NT5DC1: variants seen among roughly 807,000 people sequenced by gnomAD.
NT5DC1 encodes the protein 5'-nucleotidase domain containing 1.
NT5DC1 carries 42 observed loss-of-function variants against 59.4 expected under a neutral mutation model. That is an observed-to-expected ratio of 0.71 (90% confidence interval 0.55 to 0.92). The LOEUF is 0.92. NT5DC1 is among the 40% of genes least tolerant of loss of function. The probability of loss-of-function intolerance (pLI) is 0.00; values close to 1 mark genes in which losing one functional copy is unlikely to be tolerated. For missense variants in NT5DC1, 501 were observed against 537.1 expected, an observed-to-expected ratio of 0.93 and a Z score of 0.66; for synonymous variants, 172 against 188.1, an observed-to-expected ratio of 0.91 and a Z score of 0.70.
At chr6:116,205,699 G>A (rs1371001415) in intron 6 of NT5DC1, among the ~76,000 whole-genome samples, 4 of 151,846 alleles carry the variant, frequency 2.6e-5, no homozygotes, top group African/African-American at 9.7e-5. Context: ...GTATTAAAAG[G>A]GTACATTTTA....
intron 6 of NT5DC1, chr6:116,120,432 A>T (rs1205769692): frequency 1.9e-6 from 3 of 1,614,238 alleles, no homozygotes; most frequent in Non-Finnish European, 2.5e-6. Flanking sequence ...ATTGCTGGGT[A>T]AGCTTTGGAG....
intron 6 of NT5DC1, among the ~76,000 whole-genome samples, chr6:116,167,886 C>G (rs1004787556): frequency 6.6e-6 from 1 of 152,090 alleles, no homozygotes; most frequent in Non-Finnish European, 1.5e-5. Context: ...TTTTATTTCA[C>G]TTTCATTCTT....
chr6:116,193,379 C>T (rs908442716), intron 6 of NT5DC1, among the ~76,000 whole-genome samples: 5 of 152,020 alleles, frequency 3.3e-5, no homozygotes, highest in African/African-American at 1.2e-4. Context: ...TGTTAGAAAG[C>T]TGTGGTGGAA....
At chr6:116,206,751 G>A (rs1272672383) in intron 6 of NT5DC1, among the ~76,000 whole-genome samples, 1 of 151,892 alleles carries the variant, frequency 6.6e-6, no homozygotes, top group Non-Finnish European at 1.5e-5. Context: ...TTTATATCTG[G>A]AGGGCAAAAC....
At position 116,126,880 on chromosome 6, in the gene NT5DC1, G is replaced by A. The variant is rs1013999560; in HGVS notation, c.529+8935G>A. Among the ~76,000 whole-genome samples the A allele has an allele frequency of 1.8e-4, 28 of 152,110 alleles. 1 individual carries two copies. The highest frequency in any genetic ancestry group is 2.9e-5 in the Non-Finnish European group (2 of 68,002). On this transcript the variant is annotated intron_variant, in intron 6 of 11. Coordinates refer to ENST00000319550, the MANE Select transcript of NT5DC1 (RefSeq NM_152729.3). ...AAAAATATTATTGGCTTAACTTGCA[G>A]TTAGGAATCATCCCAATTAGAAACA...
At chr6:116,104,396 T>G (rs969401309) in intron 1 of NT5DC1, among the ~76,000 whole-genome samples, 4 of 152,218 alleles carry the variant, frequency 2.6e-5, no homozygotes, top group Non-Finnish European at 1.5e-5. Context: ...TGCCCATATC[T>G]TAGACTAATC....
intron 6 of NT5DC1, among the ~76,000 whole-genome samples, chr6:116,171,288 A>T (rs1780601236): frequency 6.6e-6 from 1 of 152,218 alleles, no homozygotes; most frequent in South Asian, 2.1e-4. Context: ...CACATTATAA[A>T]ATCAAATAAA....
intron 6 of NT5DC1, chr6:116,120,016 G>A: frequency 5.0e-6 from 7 of 1,399,084 alleles, no homozygotes; most frequent in South Asian, 1.2e-5. Context: ...TTGTAGGGTG[G>A]GGTAGAGTTA....
intron 11 of NT5DC1, among the ~76,000 whole-genome samples, chr6:116,243,440 G>T (rs778520009): frequency 2.0e-4 from 31 of 151,792 alleles, no homozygotes; most frequent in Non-Finnish European, 4.4e-4. Context: ...ATTATAAATT[G>T]CATAGAGAAA....
intron 4 of NT5DC1, among the ~76,000 whole-genome samples, chr6:116,113,942 C>G (rs747533508): frequency 6.6e-6 from 1 of 152,160 alleles, no homozygotes; most frequent in Non-Finnish European, 1.5e-5. Context: ...ATTAATGAAC[C>G]TTGGGAAGCT....
rs983449111 is a variant in NT5DC1, at chr6:116,237,066, T to G, written c.903T>G (p.Thr301=). The part of the protein sequence containing the change: ...VHLYELLKKM[T]GKPEPKVVYF... ...TCTATGAACTTCTGAAGAAAATGAC[T>G]GGCAAACCTGAACCCAAGGTATTTC... The change falls in exon 9 of 12, where the codon ACT becomes ACG. Residue 301 remains threonine (T), a synonymous_variant. Transcript: ENST00000319550. 6.2e-7 allele frequency: 1 copy of G among 1,607,100 alleles called. No individual in the cohort carries two copies. The highest frequency in any genetic ancestry group is 8.5e-7 in the Non-Finnish European group (1 of 1,173,774).
At chr6:116,219,361 T>G (rs1781747520) in intron 6 of NT5DC1, among the ~76,000 whole-genome samples, 2 of 152,186 alleles carry the variant, frequency 1.3e-5, no homozygotes, top group South Asian at 4.1e-4. Context: ...GGTTTATTTT[T>G]ATCAGTGGTA....
intron 6 of NT5DC1, among the ~76,000 whole-genome samples, chr6:116,133,369 A>G (rs952695086): frequency 2.0e-5 from 3 of 152,232 alleles, no homozygotes; most frequent in African/African-American, 7.2e-5. Context: ...TGTTAATTAG[A>G]GAAGTCACAG....
intron 8 of NT5DC1, among the ~76,000 whole-genome samples, chr6:116,233,420 A>G (rs1001469881): frequency 1.3e-5 from 2 of 152,210 alleles, no homozygotes; most frequent in African/African-American, 4.8e-5. Context: ...AGCCTTATAT[A>G]AAGATGCCAT....
At chr6:116,144,698 T>C (rs1779852170) in intron 6 of NT5DC1, among the ~76,000 whole-genome samples, 1 of 152,194 alleles carries the variant, frequency 6.6e-6, no homozygotes, top group Non-Finnish European at 1.5e-5. Context: ...GACAACTGTT[T>C]GTTAGACTTC....
chr6:116,184,443 GA>G (rs1382920152), intron 6 of NT5DC1, among the ~76,000 whole-genome samples: 1 of 151,344 alleles, frequency 6.6e-6, no homozygotes, highest in African/African-American at 2.4e-5. Flanking sequence ...TCCATCTTTT[GA>G]AATAGTGTCA....
chr6:116,107,551 T>TTTTAC (rs1778788990), intron 2 of NT5DC1, among the ~76,000 whole-genome samples: 1 of 114,518 alleles, frequency 8.7e-6, no homozygotes, highest in Non-Finnish European at 1.7e-5. Flanking sequence ...TTTTATTTTA[T>TTTTAC]TTTATTTTAT....
At chr6:116,126,601 A>G (rs951480604) in intron 6 of NT5DC1, among the ~76,000 whole-genome samples, 12 of 152,158 alleles carry the variant, frequency 7.9e-5, no homozygotes, top group African/African-American at 2.9e-4. Context: ...ATATTCATAA[A>G]TTTTTGTGAA....
In NT5DC1 at chr6:116,237,082, A is replaced by G; in HGVS notation, c.919A>G (p.Lys307Glu). ...GAAAATGACTGGCAAACCTGAACCC[A>G]AGGTATTTCCCAGTTGAGGAGAAGT... ...LKKMTGKPEP[K>E]VVYFGDSMHS... is the part of the protein sequence containing the mutation. Residue 307 changes from lysine (K) to glutamate (E), a missense_variant and splice_region_variant, in exon 9 of 12, where the codon AAG becomes GAG. Physicochemically the swap from Lys to Glu is moderately conservative, Grantham distance 56 (BLOSUM62 1). Transcript: ENST00000319550. 1.3e-6 allele frequency: 2 copies of G among 1,587,280 alleles called. No homozygotes were observed. The highest frequency in any genetic ancestry group is 2.2e-5 in the South Asian group (2 of 90,452).
Sources: allele counts gnomAD v4.1 joint callset (sites outside exome capture counted in the v4.1 genomes callset), GRCh38; gene constraint gnomAD v4.1.1; transcripts MANE v1.5; gene names NCBI Gene and HGNC (gene_info 2026-07-23, HGNC 2026-07-21).